Variants in AKT3 observed in about 807,000 individuals in gnomAD.
AKT3 encodes RAC-gamma serine/threonine-protein kinase.
In AKT3, 15 loss-of-function variants were observed where a neutral mutation model predicts 65.3. That is an observed-to-expected ratio of 0.23 (90% CI 0.15 to 0.35). AKT3 has a LOEUF of 0.35. Among genes scored for constraint, AKT3 ranks in the 10% least tolerant of loss-of-function variants. AKT3 has a pLI of 1.00. For synonymous variants in AKT3, 206 were observed against 183.8 expected (o/e 1.12, Z -0.98); for missense variants, 243 against 576.5 (o/e 0.42, Z 5.92).
chr1:243,828,752 T>C (rs959725138), intron 2 of AKT3, among the ~76,000 whole-genome samples: 1 of 152,204 alleles, frequency 6.6e-6, no homozygotes, highest in Admixed American at 6.5e-5. Context: ...CTATTAGTAG[T>C]TAAGTTGTGA....
intron 8 of AKT3, among the ~76,000 whole-genome samples, chr1:243,591,030 T>G (rs1007600474): frequency 6.6e-6 from 1 of 152,182 alleles, no homozygotes; most frequent in African/African-American, 2.4e-5. Flanking sequence ...ACGAGGATCC[T>G]TGATTTAATG....
chr1:243,692,937 T>C (rs1684792858), intron 3 of AKT3, among the ~76,000 whole-genome samples: 1 of 151,842 alleles, frequency 6.6e-6, no homozygotes, highest in Non-Finnish European at 1.5e-5. Flanking sequence ...CTCAATAATT[T>C]ATTATAAGTA....
intron 3 of AKT3, among the ~76,000 whole-genome samples, chr1:243,694,915 C>T (rs917995161): frequency 2.0e-5 from 3 of 151,764 alleles, no homozygotes; most frequent in Admixed American, 1.3e-4. Flanking sequence ...TTTAACTTAG[C>T]GTAATTTAAA....
intron 12 of AKT3, among the ~76,000 whole-genome samples, chr1:243,515,240 T>C (rs1670275576): frequency 6.6e-6 from 1 of 152,178 alleles, no homozygotes; most frequent in Non-Finnish European, 1.5e-5. Flanking sequence ...ACAAACAAAA[T>C]TGCTATTAAC....
chr1:243,656,847 A>G (rs1681841031), intron 4 of AKT3, among the ~76,000 whole-genome samples: 1 of 152,238 alleles, frequency 6.6e-6, no homozygotes. Flanking sequence ...ACCTTTGTCT[A>G]TATTGTGGAT....
chr1:243,544,571 G>A (rs1441244694), intron 12 of AKT3, among the ~76,000 whole-genome samples: 3 of 152,078 alleles, frequency 2.0e-5, no homozygotes, highest in Admixed American at 6.6e-5. Context: ...AGCTGTGATC[G>A]TGCCGTGCCA....
At chr1:243,534,991 A>G (rs1435959207) in intron 12 of AKT3, among the ~76,000 whole-genome samples, 1 of 151,946 alleles carries the variant, frequency 6.6e-6, no homozygotes, top group East Asian at 1.9e-4. Flanking sequence ...GCGGAAATCA[A>G]TGAAACAGAG....
chr1:243,820,066 A>G (rs922107201), intron 2 of AKT3, among the ~76,000 whole-genome samples: 1 of 152,220 alleles, frequency 6.6e-6, no homozygotes, highest in South Asian at 2.1e-4. Context: ...CTACAGGCGC[A>G]TGCCACCACG....
chr1:243,562,742 C>T (rs1020908261), intron 10 of AKT3, among the ~76,000 whole-genome samples: 1 of 152,114 alleles, frequency 6.6e-6, no homozygotes, highest in Non-Finnish European at 1.5e-5. Flanking sequence ...AACTGTCGGA[C>T]ATGTGAGTGA....
chr1:243,520,717 T>C (rs946824), intron 12 of AKT3, among the ~76,000 whole-genome samples: 132,602 of 152,238 alleles, frequency 0.87, 57,856 homozygotes, highest in Admixed American at 0.92. Flanking sequence ...AATGTAGTAT[T>C]CAGTGATCTT....
At chr1:243,569,516 A>T (rs1482331967) in intron 9 of AKT3, among the ~76,000 whole-genome samples, 2 of 152,158 alleles carry the variant, frequency 1.3e-5, no homozygotes, top group Non-Finnish European at 2.9e-5. Context: ...CCCAAACTGC[A>T]TTTATTTGAA....
chr1:243,632,071 G>A (rs1205511776), intron 6 of AKT3, among the ~76,000 whole-genome samples: 1 of 152,184 alleles, frequency 6.6e-6, no homozygotes, highest in East Asian at 1.9e-4. Context: ...CTCCTTCCAT[G>A]AACATTCATG....
At chr1:243,622,439 T>C (rs1678825201) in intron 6 of AKT3, among the ~76,000 whole-genome samples, 1 of 152,248 alleles carries the variant, frequency 6.6e-6, no homozygotes, top group Admixed American at 6.5e-5. Context: ...ATGGTTTATT[T>C]ATTATGTGTA....
At chr1:243,645,696 G>A (rs1680757120) in intron 5 of AKT3, among the ~76,000 whole-genome samples, 197 bp downstream of exon 5, 1 of 152,208 alleles carries the variant, frequency 6.6e-6, no homozygotes, top group Non-Finnish European at 1.5e-5. Context: ...CAGTGCTAAA[G>A]TGCTGGATCA....
At chr1:243,675,431 C>G (rs1006534948) in intron 3 of AKT3, among the ~76,000 whole-genome samples, 3 of 152,178 alleles carry the variant, frequency 2.0e-5, no homozygotes, top group Admixed American at 1.3e-4. Flanking sequence ...AAACTCCTGA[C>G]CTCAGGTGAT....
intron 4 of AKT3, among the ~76,000 whole-genome samples, chr1:243,654,792 T>C (rs577436660): frequency 6.6e-6 from 1 of 152,296 alleles, no homozygotes; most frequent in African/African-American, 2.4e-5. Flanking sequence ...CCATCCCACA[T>C]ATTGACATTA....
chr1:243,535,236 A>G (rs1168007505), intron 12 of AKT3, among the ~76,000 whole-genome samples: 2 of 86,992 alleles, frequency 2.3e-5, no homozygotes, highest in African/African-American at 1.1e-4. Context: ...AAAAATTTCA[A>G]TAGCTTTAGG....
chr1:243,795,574 C>A (rs1190886247), intron 2 of AKT3, among the ~76,000 whole-genome samples: 1 of 146,952 alleles, frequency 6.8e-6, no homozygotes, highest in Non-Finnish European at 1.5e-5. Context: ...CGGGTTCACG[C>A]CATTCTCCTG....
intron 3 of AKT3, among the ~76,000 whole-genome samples, chr1:243,672,166 G>A (rs1305532366): frequency 6.6e-6 from 1 of 152,214 alleles, no homozygotes; most frequent in African/African-American, 2.4e-5. Context: ...TCCCCTAGCA[G>A]GATGCTGATC....
Sources: gnomAD v4.1 joint callset for allele counts (sites outside exome capture counted in the v4.1 genomes callset) on GRCh38, gnomAD v4.1.1 for gene constraint, MANE v1.5 for transcripts, NCBI Gene and HGNC (gene_info 2026-07-23, HGNC 2026-07-21) for gene names.